Variants in CDC42SE2 observed in about 807,000 individuals in gnomAD.
CDC42SE2 encodes CDC42 small effector 2, also known as CDC42 small effector protein 2.
CDC42SE2 carries 3 observed loss-of-function variants against 11.5 expected under a neutral mutation model. The ratio of observed to expected loss-of-function variants is 0.26; its 90% confidence interval spans 0.12 to 0.67. CDC42SE2 has a LOEUF of 0.67. Ranked by LOEUF, CDC42SE2 falls within the 30% of genes least tolerant of loss-of-function variation. The pLI, the probability that CDC42SE2 is intolerant of heterozygous loss-of-function variation, is 0.80. For missense variants in CDC42SE2, 82 were observed against 106.8 expected (o/e 0.77, Z 1.02); for synonymous variants, 33 against 34.8 (o/e 0.95, Z 0.18).
At chr5:131,218,331 A>C in the CDC42SE2 span, among the ~76,000 whole-genome samples, 1 of 152,172 alleles carries the variant, frequency 6.6e-6, no homozygotes, top group East Asian at 1.9e-4. Context: ...TGGAAAATAA[A>C]ACTACAATGC....
chr5:131,286,053 T>C (rs1308217754), intron 1 of CDC42SE2, among the ~76,000 whole-genome samples: 2 of 151,246 alleles, frequency 1.3e-5, no homozygotes, highest in Non-Finnish European at 3.0e-5. Flanking sequence ...TGTAGCTTTT[T>C]TTTTTTTTTT....
chr5:131,313,673 C>T (rs757301939), intron 1 of CDC42SE2, among the ~76,000 whole-genome samples: 1 of 152,094 alleles, frequency 6.6e-6, no homozygotes, highest in Admixed American at 6.5e-5. Flanking sequence ...TTTTATTGAC[C>T]TGTTAAGTCT....
At chr5:131,214,163 T>C in the CDC42SE2 span, among the ~76,000 whole-genome samples, 1 of 152,352 alleles carries the variant, frequency 6.6e-6, no homozygotes, top group East Asian at 1.9e-4. Context: ...TTTTAGTGTC[T>C]TAAAGAAATA....
At chr5:131,335,091 C>G (rs552176776) in intron 2 of CDC42SE2, among the ~76,000 whole-genome samples, 61 of 152,246 alleles carry the variant, frequency 4.0e-4, no homozygotes, top group East Asian at 1.7e-3. Flanking sequence ...CCTGCTTTCT[C>G]TTGTGGGCAT....
chr5:131,301,927 C>G (rs1026534742), intron 1 of CDC42SE2, among the ~76,000 whole-genome samples: 6 of 152,106 alleles, frequency 3.9e-5, no homozygotes, highest in Non-Finnish European at 8.8e-5. Context: ...AATCAGTACA[C>G]TTAGTAAGTG....
At chr5:131,284,935 G>T (rs1757310738) in intron 1 of CDC42SE2, among the ~76,000 whole-genome samples, 1 of 151,970 alleles carries the variant, frequency 6.6e-6, no homozygotes, top group African/African-American at 2.4e-5. Context: ...TGAGAGGATT[G>T]CTTGAGCCAA....
intron 1 of CDC42SE2, among the ~76,000 whole-genome samples, chr5:131,281,996 T>TG (rs1223582811): frequency 1.8e-4 from 28 of 152,232 alleles, no homozygotes; most frequent in African/African-American, 6.8e-4. Flanking sequence ...GGGAGCCACT[T>TG]GGACATTTCA....
At chr5:131,312,271 G>T (rs1184985985) in intron 1 of CDC42SE2, among the ~76,000 whole-genome samples, 1 of 152,120 alleles carries the variant, frequency 6.6e-6, no homozygotes, top group Non-Finnish European at 1.5e-5. Context: ...TTAGGGGTCA[G>T]GGACCCACTT....
intron 1 of CDC42SE2, among the ~76,000 whole-genome samples, chr5:131,312,997 T>G (rs1045351133): frequency 1.3e-5 from 2 of 151,988 alleles, no homozygotes; most frequent in Admixed American, 6.6e-5. Flanking sequence ...TTCTTTTTTT[T>G]TTTTAGACGG....
chr5:131,372,249 AT>A (rs954724843), intron 3 of CDC42SE2, among the ~76,000 whole-genome samples: 1 of 152,160 alleles, frequency 6.6e-6, no homozygotes, highest in Admixed American at 6.5e-5. Flanking sequence ...ACTCAATGCC[AT>A]TTTTTTGGCC....
Position 131,302,109 on chromosome 5 carries a change from C to T in CDC42SE2, c.-454-13867C>T, listed in dbSNP as rs561448479. Among the ~76,000 whole-genome samples the T allele has an allele frequency of 9.9e-5, 15 of 152,080 alleles. 3 individuals carry two copies. The highest frequency in any genetic ancestry group is 3.1e-4 in the African/African-American group (13 of 41,496). ...GCAACCTCTGCCTCCCCGGCTCAAG[C>T]GATTCTCCTGCCTCAGCCTCCTAAG... On this transcript the variant is annotated intron_variant, in intron 1 of 4. Coordinates refer to ENST00000505065, the MANE Select transcript of CDC42SE2 (RefSeq NM_001375635.1).
At chr5:131,265,134 G>A (rs1180731920) in intron 1 of CDC42SE2, among the ~76,000 whole-genome samples, 1 of 152,048 alleles carries the variant, frequency 6.6e-6, no homozygotes, top group East Asian at 1.9e-4. Flanking sequence ...TTTGATATAC[G>A]TTTTTTAGTT....
At chr5:131,373,558 T>G (rs534813193) in intron 3 of CDC42SE2, among the ~76,000 whole-genome samples, 1 of 152,218 alleles carries the variant, frequency 6.6e-6, no homozygotes, top group Non-Finnish European at 1.5e-5. Flanking sequence ...GAGCTCACCA[T>G]CTGATCACTG....
intron 4 of CDC42SE2, among the ~76,000 whole-genome samples, chr5:131,388,828 C>A (rs2149790846): frequency 6.6e-6 from 1 of 151,844 alleles, no homozygotes; most frequent in South Asian, 2.1e-4. Flanking sequence ...AATGTAAAAA[C>A]AAACAAAGAT....
intron 1 of CDC42SE2, among the ~76,000 whole-genome samples, chr5:131,301,619 G>A (rs1468438814): frequency 1.3e-5 from 2 of 151,886 alleles, no homozygotes; most frequent in African/African-American, 2.4e-5. Context: ...TTAGCCGGGC[G>A]TGGTGGCGCG....
chr5:131,323,728 G>A (rs991937011), intron 2 of CDC42SE2, among the ~76,000 whole-genome samples: 2 of 151,942 alleles, frequency 1.3e-5, no homozygotes, highest in African/African-American at 4.8e-5. Context: ...AAAATAATGT[G>A]TTTTAATGAA....
At chr5:131,362,445 A>T (rs1163846729) in intron 3 of CDC42SE2, among the ~76,000 whole-genome samples, 1 of 152,236 alleles carries the variant, frequency 6.6e-6, no homozygotes. Context: ...ATACAAAGAC[A>T]TATCCTTGGT....
the CDC42SE2 span, among the ~76,000 whole-genome samples, chr5:131,238,133 A>AT: frequency 1 from 151,516 of 151,518 alleles, 75,757 homozygotes; most frequent in Non-Finnish European, 1. Flanking sequence ...CATCTAAATA[A>AT]ATTCTCGGGG....
chr5:131,270,282 G>T (rs1255018406), intron 1 of CDC42SE2, among the ~76,000 whole-genome samples: 1 of 152,080 alleles, frequency 6.6e-6, no homozygotes, highest in Non-Finnish European at 1.5e-5. Flanking sequence ...GGCTGAGGCA[G>T]GAGAATGGCA....
Sources: gnomAD v4.1 joint callset for allele counts (sites outside exome capture counted in the v4.1 genomes callset) on GRCh38, gnomAD v4.1.1 for gene constraint, MANE v1.5 for transcripts, NCBI Gene and HGNC (gene_info 2026-07-23, HGNC 2026-07-21) for gene names.